Variants in MELK observed in about 807,000 individuals in gnomAD.
MELK encodes pEg3 kinase.
A neutral mutation model predicts 85.0 loss-of-function variants in MELK; 81 were observed. The observed-to-expected ratio is 0.95, with a 90% CI of 0.80 to 1.15. The LOEUF (loss-of-function observed/expected upper bound fraction) is 1.15, where lower values mean the gene tolerates loss of function less well. MELK is among the 50% of genes most tolerant of loss of function. MELK has a pLI of 0.00. For missense variants in MELK, 754 were observed against 777.5 expected (o/e 0.97, Z 0.36); for synonymous variants, 252 against 265.0 (o/e 0.95, Z 0.48).
At chr9:36,652,616 G>A (rs1830818813) in intron 12 of MELK, among the ~76,000 whole-genome samples, 1 of 151,232 alleles carries the variant, frequency 6.6e-6, no homozygotes, top group Non-Finnish European at 1.5e-5. Flanking sequence ...TGTAGTCCCA[G>A]CTACTTGGGA....
intron 8 of MELK, among the ~76,000 whole-genome samples, chr9:36,623,219 C>A (rs562530449): frequency 2.0e-5 from 3 of 152,192 alleles, no homozygotes; most frequent in Non-Finnish European, 2.9e-5. Context: ...GACAAATCAT[C>A]CCCAGTTGAG....
chr9:36,654,015 G>A (rs1412579699), intron 12 of MELK, among the ~76,000 whole-genome samples: 1 of 24,370 alleles, frequency 4.1e-5, no homozygotes, highest in Non-Finnish European at 8.6e-5. Context: ...TCTCTGAAGG[G>A]AGATATCCTG....
intron 8 of MELK, among the ~76,000 whole-genome samples, chr9:36,627,475 T>G (rs1308322957): frequency 6.6e-6 from 1 of 151,982 alleles, no homozygotes; most frequent in East Asian, 1.9e-4. Context: ...TTTATTCCCT[T>G]TATCGAAAGC....
chr9:36,649,151 A>G (rs1830469324), intron 11 of MELK, among the ~76,000 whole-genome samples: 3 of 152,218 alleles, frequency 2.0e-5, no homozygotes, highest in Non-Finnish European at 4.4e-5. Context: ...AAAGCTCAGT[A>G]AAAGTGTTTG....
chr9:36,646,511 C>T (rs949934122), intron 11 of MELK, among the ~76,000 whole-genome samples: 5 of 152,184 alleles, frequency 3.3e-5, no homozygotes, highest in Non-Finnish European at 7.3e-5. Context: ...CGGTGAGCCT[C>T]CTATGTCTCA....
intron 14 of MELK, among the ~76,000 whole-genome samples, chr9:36,665,923 A>T (rs1832295224): frequency 6.6e-6 from 1 of 152,312 alleles, no homozygotes; most frequent in East Asian, 1.9e-4. Context: ...TGATTTGCCC[A>T]AGGTCATATA....
At chr9:36,588,927 C>T (rs964934751) in intron 3 of MELK, among the ~76,000 whole-genome samples, 1 of 152,146 alleles carries the variant, frequency 6.6e-6, no homozygotes, top group Non-Finnish European at 1.5e-5. Context: ...AGTGGTAGCT[C>T]AGGCATGATG....
At chr9:36,588,120 G>C (rs1406638849) in intron 3 of MELK, among the ~76,000 whole-genome samples, 2 of 150,870 alleles carry the variant, frequency 1.3e-5, no homozygotes, top group Non-Finnish European at 2.9e-5. Context: ...AGGCTGGATC[G>C]ATCTCGGCTC....
At chr9:36,616,900 A>C (rs529167056) in intron 8 of MELK, among the ~76,000 whole-genome samples, 29 of 145,926 alleles carry the variant, frequency 2.0e-4, no homozygotes, top group African/African-American at 7.4e-4. Context: ...CTCCCTTAGC[A>C]GTGTGTCTTG....
intron 7 of MELK, among the ~76,000 whole-genome samples, chr9:36,601,989 G>T (rs1824976286): frequency 6.6e-6 from 1 of 152,106 alleles, no homozygotes. Flanking sequence ...TACTTAAATT[G>T]CTTCCACCTT....
intron 7 of MELK, among the ~76,000 whole-genome samples, chr9:36,607,318 A>G (rs1265856906): frequency 6.6e-6 from 1 of 152,178 alleles, no homozygotes; most frequent in Non-Finnish European, 1.5e-5. Context: ...GTTAAGTGTT[A>G]GAGTCCAGCT....
intron 8 of MELK, among the ~76,000 whole-genome samples, chr9:36,615,658 G>A (rs1270500601): frequency 2.1e-4 from 28 of 135,322 alleles, no homozygotes; most frequent in African/African-American, 7.3e-4. Context: ...GGGCAGAGAC[G>A]CTCCTCACCT....
At chr9:36,622,517 A>ATTACTAATGGCTTGAGTATTAATC (rs1296098368) in intron 8 of MELK, among the ~76,000 whole-genome samples, 3 of 152,208 alleles carry the variant, frequency 2.0e-5, no homozygotes. Context: ...TTCTAGCATG[A>ATTACTAATGGCTTGAGTATTAATC]TTACTAATGG....
At chr9:36,641,150 C>A (rs534410761) in intron 10 of MELK, among the ~76,000 whole-genome samples, 9 of 152,158 alleles carry the variant, frequency 5.9e-5, no homozygotes, top group East Asian at 1.9e-4. Context: ...GGAAGACTTG[C>A]AGAGGAAAGG....
At chr9:36,660,392 A>G (rs1346283727) in intron 13 of MELK, among the ~76,000 whole-genome samples, 1 of 151,928 alleles carries the variant, frequency 6.6e-6, no homozygotes, top group Non-Finnish European at 1.5e-5. Flanking sequence ...ATCATGGCTC[A>G]CTGCAGCCTC....
chr9:36,666,903 GTGTGA>G (rs1832423107), intron 14 of MELK, among the ~76,000 whole-genome samples: 1 of 133,854 alleles, frequency 7.5e-6, no homozygotes, highest in Non-Finnish European at 1.7e-5. Context: ...GTGTGTGTGT[GTGTGA>G]TGGTGTGTGT....
At chr9:36,582,216 C>T (rs7046754) in intron 2 of MELK, among the ~76,000 whole-genome samples, 4,455 of 152,146 alleles carry the variant, frequency 0.029, 223 homozygotes, top group African/African-American at 0.1. Flanking sequence ...GATCCACCCG[C>T]CTCGGCCTCC....
intron 3 of MELK, among the ~76,000 whole-genome samples, chr9:36,587,784 T>G (rs113046429): frequency 6.6e-6 from 1 of 150,974 alleles, no homozygotes; most frequent in Non-Finnish European, 1.5e-5. Flanking sequence ...TTTTTTTTTT[T>G]AATTTTTTCG....
Position 36,589,668 on chromosome 9 carries a change from C to T in MELK, c.261+16C>T. 2 of 1,524,408 alleles carry T rather than the reference C, an allele frequency of 1.3e-6. No homozygotes were observed. Among genetic ancestry groups the T allele is most frequent in the Non-Finnish European group, 9.1e-7 (1 of 1,099,888 alleles). The allele number at this position is 1,524,408 out of a possible 1,614,324, so 94.4% of individuals were successfully genotyped here. A position where few individuals can be genotyped will look rare whatever the true frequency, so the allele number is the denominator to read the frequency against. ...GGTTCTTGAGGTTAGTAGTATGTTC[C>T]AGATACCTGAAAACATTTGATCACT... is the stretch of plus-strand genomic sequence containing the variant. On this transcript the variant is annotated intron_variant, in intron 4 of 17. Coordinates refer to ENST00000298048, the MANE Select transcript of MELK (RefSeq NM_014791.4).
Sources: allele counts gnomAD v4.1 joint callset (sites outside exome capture counted in the v4.1 genomes callset), GRCh38; gene constraint gnomAD v4.1.1; transcripts MANE v1.5; gene names NCBI Gene and HGNC (gene_info 2026-07-23, HGNC 2026-07-21).